The following ABCC1 variants were observed in gnomAD, a reference collection of about 807,000 sequenced individuals.
ABCC1 encodes the protein multidrug resistance-associated protein 1.
In ABCC1, 83 loss-of-function variants were observed where a neutral mutation model predicts 172.9. That is an observed-to-expected ratio of 0.48 (90% CI 0.40 to 0.58). The LOEUF is 0.58. ABCC1 is among the 20% of genes least tolerant of loss of function. ABCC1 has a pLI of 0.00. For synonymous variants in ABCC1, 937 were observed against 825.2 expected (o/e 1.14, Z -2.32); for missense variants, 1,817 against 2,002.7 (o/e 0.91, Z 1.77).
chr16:15,999,070 G>A (rs1233529059), intron 1 of ABCC1, among the ~76,000 whole-genome samples: 1 of 152,012 alleles, frequency 6.6e-6, no homozygotes, highest in Non-Finnish European at 1.5e-5. Flanking sequence ...CTGCGATCTC[G>A]GCTCACTGCA....
At chr16:16,060,006 A>T (rs542441764) in intron 12 of ABCC1, among the ~76,000 whole-genome samples, 4 of 151,930 alleles carry the variant, frequency 2.6e-5, no homozygotes, top group Non-Finnish European at 4.4e-5. Flanking sequence ...CAAAAAAAAT[A>T]AAAAAAATGA....
In ABCC1 at chr16:16,141,620, G is replaced by A; in HGVS notation, c.*339G>A. 2 of 314,176 alleles carry A rather than the reference G, an allele frequency of 6.4e-6. No homozygotes were observed. The highest frequency in any genetic ancestry group is 5.9e-6 in the Non-Finnish European group (1 of 168,130). The allele number at this position is 314,176 out of a possible 1,614,324, so 19.5% of individuals were successfully genotyped here. A position where few individuals can be genotyped will look rare whatever the true frequency, so the allele number is the denominator to read the frequency against. On this transcript the variant is annotated 3_prime_UTR_variant, in exon 31 of 31. Coordinates refer to ENST00000399410, the MANE Select transcript of ABCC1 (RefSeq NM_004996.4). Reference sequence around the variant, plus strand: ...GAGTTTTGGCAGCCAGACTTCTGGAGGAATTGGTTGTATAGAAGATCCTAG... The same window carrying A: ...GAGTTTTGGCAGCCAGACTTCTGGAAGAATTGGTTGTATAGAAGATCCTAG...
chr16:15,952,576 G>A (rs2045897318), intron 1 of ABCC1, among the ~76,000 whole-genome samples: 1 of 151,992 alleles, frequency 6.6e-6, no homozygotes, highest in South Asian at 2.1e-4. Context: ...TATCAAAACG[G>A]AAAATAGGGC....
At position 16,083,360 on chromosome 16, in the gene ABCC1, A is replaced by C. The variant is rs747697863; in HGVS notation, c.2116-6A>C. 10 of 1,612,542 alleles carry C rather than the reference A, an allele frequency of 6.2e-6. No individual in the cohort carries two copies. Among genetic ancestry groups the C allele is most frequent in the South Asian group, 2.2e-5 (2 of 90,988 alleles). On this transcript the variant is annotated splice_region_variant and splice_polypyrimidine_tract_variant and intron_variant, in intron 16 of 30. Coordinates refer to ENST00000399410, the MANE Select transcript of ABCC1 (RefSeq NM_004996.4). ...TGTCTCACCTCGTTCTCCATTTGCA[A>C]CTTAGGGCTCCGTGGCCTATGTGCC... is the stretch of plus-strand genomic sequence containing the variant.
chr16:16,135,442 T>G (rs45549739), intron 28 of ABCC1, among the ~76,000 whole-genome samples: 9,969 of 152,194 alleles, frequency 0.066, 1,019 homozygotes, highest in African/African-American at 0.22. Flanking sequence ...ATAAGGATTT[T>G]CTTTTTCTTT....
At chr16:15,978,607 T>G (rs1222606840) in intron 1 of ABCC1, among the ~76,000 whole-genome samples, 1 of 152,162 alleles carries the variant, frequency 6.6e-6, no homozygotes, top group East Asian at 1.9e-4. Context: ...GATATAAATG[T>G]GGTTGTTTCT....
intron 11 of ABCC1, among the ~76,000 whole-genome samples, chr16:16,054,048 CACTGCA>C (rs1596429869): frequency 1.3e-5 from 2 of 151,572 alleles, no homozygotes; most frequent in African/African-American, 4.8e-5. Context: ...GATCTTGGCT[CACTGCA>C]ACCTCTGCCT....
chr16:15,982,897 C>T (rs192474340), intron 1 of ABCC1, among the ~76,000 whole-genome samples: 32 of 151,028 alleles, frequency 2.1e-4, no homozygotes, highest in African/African-American at 4.1e-4. Flanking sequence ...GGCTGTGGTT[C>T]GCCAACTTAT....
chr16:16,002,672 T>C (rs2047356750), intron 1 of ABCC1, among the ~76,000 whole-genome samples: 1 of 151,314 alleles, frequency 6.6e-6, no homozygotes, highest in Non-Finnish European at 1.5e-5. Context: ...CTCAGGAGGC[T>C]GAGGTGGGAG....
chr16:16,106,458 C>A, intron 20 of ABCC1: 3 of 241,334 alleles, frequency 1.2e-5, no homozygotes, highest in East Asian at 7.5e-5. Flanking sequence ...TACCAGTTGT[C>A]ATGGGCTTTT....
At chr16:16,050,729 C>CAAAAAAAAA (rs35207136) in intron 10 of ABCC1, among the ~76,000 whole-genome samples, 3 of 66,614 alleles carry the variant, frequency 4.5e-5, no homozygotes, top group African/African-American at 5.7e-5. Context: ...CCTGTCTCTA[C>CAAAAAAAAA]AAAAAAAAAA....
intron 5 of ABCC1, among the ~76,000 whole-genome samples, chr16:16,031,991 A>C (rs1239591149): frequency 6.6e-6 from 1 of 151,962 alleles, no homozygotes; most frequent in African/African-American, 2.4e-5. Context: ...GTTAAATTAA[A>C]TTTTATTTTA....
intron 15 of ABCC1, among the ~76,000 whole-genome samples, chr16:16,078,652 C>A (rs570530182): frequency 6.6e-6 from 1 of 152,084 alleles, no homozygotes. Context: ...GTGTGTGGGA[C>A]ACTCCTGCTT....
intron 1 of ABCC1, among the ~76,000 whole-genome samples, chr16:15,999,809 C>CT (rs374395529): frequency 0.093 from 759 of 8,202 alleles, 58 homozygotes; most frequent in African/African-American, 0.17. Context: ...CTCTCTCTCT[C>CT]CTCTCTCTCT....
intron 23 of ABCC1, among the ~76,000 whole-genome samples, chr16:16,118,975 A>G (rs956392985): frequency 6.6e-6 from 1 of 151,952 alleles, no homozygotes; most frequent in African/African-American, 2.4e-5. Flanking sequence ...AACAGCTCAA[A>G]TGTCCATTAA....
intron 10 of ABCC1, among the ~76,000 whole-genome samples, chr16:16,051,477 G>A (rs919896888): frequency 1.3e-5 from 2 of 152,090 alleles, no homozygotes; most frequent in African/African-American, 4.8e-5. Flanking sequence ...CTGGCCACAA[G>A]GCTATAAGTT....
At chr16:15,970,632 G>A (rs2046346428) in intron 1 of ABCC1, among the ~76,000 whole-genome samples, 1 of 152,232 alleles carries the variant, frequency 6.6e-6, no homozygotes. Context: ...ACCAGAAGGA[G>A]GCTGAGAATT....
intron 7 of ABCC1, among the ~76,000 whole-genome samples, chr16:16,042,904 G>A (rs1346082691): frequency 6.6e-6 from 1 of 152,048 alleles, no homozygotes; most frequent in African/African-American, 2.4e-5. Flanking sequence ...TGGCGCTGAG[G>A]CTGGAGTGCA....
intron 1 of ABCC1, among the ~76,000 whole-genome samples, chr16:15,997,016 A>G (rs142605366): frequency 0.016 from 2,399 of 152,018 alleles, 58 homozygotes; most frequent in African/African-American, 0.053. Flanking sequence ...ACACAACTTG[A>G]TCAAGCTGGT....
Sources: gnomAD v4.1 joint callset for allele counts (sites outside exome capture counted in the v4.1 genomes callset) on GRCh38, gnomAD v4.1.1 for gene constraint, MANE v1.5 for transcripts, NCBI Gene and HGNC (gene_info 2026-07-23, HGNC 2026-07-21) for gene names.